The following DNASE2B variants were observed in gnomAD, a reference collection of about 807,000 sequenced individuals.
DNASE2B encodes deoxyribonuclease-2-beta.
DNASE2B carries 43 observed loss-of-function variants against 46.0 expected under a neutral mutation model. That is an observed-to-expected ratio of 0.94 (90% CI 0.73 to 1.21). The LOEUF is 1.21. DNASE2B is among the 50% of genes most tolerant of loss of function. The pLI is 0.00. For missense variants in DNASE2B, 395 were observed against 414.4 expected (o/e 0.95, Z 0.41); for synonymous variants, 156 against 152.5 (o/e 1.02, Z -0.17).
intron 2 of DNASE2B, among the ~76,000 whole-genome samples, chr1:84,404,410 T>G (rs944825998): frequency 1.3e-5 from 2 of 152,214 alleles, no homozygotes; most frequent in African/African-American, 4.8e-5. Context: ...AATGTATTGT[T>G]TTGGGCTTGA....
intron 2 of DNASE2B, among the ~76,000 whole-genome samples, chr1:84,406,187 A>G (rs1301270045): frequency 6.6e-6 from 1 of 152,168 alleles, no homozygotes; most frequent in Non-Finnish European, 1.5e-5. Context: ...GTATTATATA[A>G]AATGAAAACG....
At chr1:84,401,299 G>A (rs1027653788) in intron 1 of DNASE2B, among the ~76,000 whole-genome samples, 12 of 152,162 alleles carry the variant, frequency 7.9e-5, no homozygotes, top group Non-Finnish European at 1.3e-4. Context: ...ACTGAGAAAC[G>A]CTGAGCTAGG....
chr1:84,401,789 A>G, intron 1 of DNASE2B, 112 bp from the exon 2 acceptor site: 1 of 783,540 alleles, frequency 1.3e-6, no homozygotes, highest in East Asian at 3.3e-5. Context: ...CCCTTTCCTT[A>G]GAGGCCTTCC....
intron 2 of DNASE2B, among the ~76,000 whole-genome samples, chr1:84,405,586 C>T (rs760990560): frequency 2.6e-4 from 40 of 152,120 alleles, no homozygotes; most frequent in African/African-American, 5.3e-4. Flanking sequence ...ATAGGTCCTA[C>T]GGTTTTATTC....
intron 1 of DNASE2B, among the ~76,000 whole-genome samples, chr1:84,401,434 T>G (rs1045793973): frequency 6.6e-6 from 1 of 152,198 alleles, no homozygotes; most frequent in African/African-American, 2.4e-5. Flanking sequence ...ATTACTTGGT[T>G]TTAGCCCTGA....
At position 84,414,669 on chromosome 1, in the gene DNASE2B, A is replaced by G; in HGVS notation, c.887A>G (p.His296Arg). The change falls in exon 6 of 6, where the codon CAC becomes CGC. Residue 296 changes from histidine to arginine, a missense_variant. By Grantham distance (29) the His-to-Arg change is conservative. Transcript: ENST00000370665. ...YNIKAIKLSR[H>R]SYFSSYQDHA... ...ATAAAAGCAATTAAATTATCACGAC[A>G]CTCTTATTTCAGTTCTTATCAAGAT... 6.2e-7 allele frequency: 1 copy of G among 1,613,988 alleles called. No homozygotes were observed. Among genetic ancestry groups the G allele is most frequent in the South Asian group, 1.1e-5 (1 of 91,074 alleles).
At chr1:84,413,321 G>C (rs1249666343) in intron 5 of DNASE2B, among the ~76,000 whole-genome samples, 1 of 151,996 alleles carries the variant, frequency 6.6e-6, no homozygotes, top group African/African-American at 2.4e-5. Context: ...GTCACCAATG[G>C]CTGTCTTAGA....
intron 2 of DNASE2B, among the ~76,000 whole-genome samples, chr1:84,402,713 T>C (rs1680441454): frequency 6.6e-6 from 1 of 152,238 alleles, no homozygotes; most frequent in Non-Finnish European, 1.5e-5. Context: ...GCTCCCAATA[T>C]TCTAGGCATC....
chr1:84,411,428 GTGTGTGT>G (rs1680590764), intron 4 of DNASE2B, among the ~76,000 whole-genome samples: 10 of 4,768 alleles, frequency 2.1e-3, no homozygotes, highest in Non-Finnish European at 5.3e-3. Context: ...AACCTAGGGT[GTGTGTGT>G]GTGTGTGTGT....
At chr1:84,403,038 G>C (rs961109536) in intron 2 of DNASE2B, among the ~76,000 whole-genome samples, 2 of 152,212 alleles carry the variant, frequency 1.3e-5, no homozygotes, top group African/African-American at 4.8e-5. Context: ...CTGCCATTAA[G>C]ACTAGCCTTC....
At chr1:84,405,076 G>A (rs1460314292) in intron 2 of DNASE2B, among the ~76,000 whole-genome samples, 2 of 151,500 alleles carry the variant, frequency 1.3e-5, no homozygotes, top group Non-Finnish European at 2.9e-5. Context: ...TTCATCTGCT[G>A]CCTCTTGGTC....
rs747551768 is a variant in DNASE2B, at chr1:84,411,019, GA to G, written c.547+28del. ...CAATAGGTAAAACTAAAGTATGTGA[GA>G]AAAAAAACGATAACTATGTTGAAGA... is the stretch of plus-strand genomic sequence containing the variant. On this transcript the variant is annotated intron_variant, in intron 4 of 5. Transcript: ENST00000370665. The G allele has an allele frequency of 3.9e-6, 6 of 1,527,696 alleles. No individual in the cohort carries two copies. The highest frequency in any genetic ancestry group is 3.3e-5 in the African/African-American group (2 of 61,292). 94.6% of individuals were successfully genotyped at this position (1,527,696 alleles called of 1,614,324 possible).
intron 1 of DNASE2B, among the ~76,000 whole-genome samples, chr1:84,401,481 G>A (rs1680419243): frequency 6.6e-6 from 1 of 152,180 alleles, no homozygotes; most frequent in South Asian, 2.1e-4. Flanking sequence ...ACTGAGCTGA[G>A]GAATGCAGCT....
chr1:84,410,105 G>A (rs762471286), intron 3 of DNASE2B, among the ~76,000 whole-genome samples: 4 of 152,176 alleles, frequency 2.6e-5, no homozygotes, highest in Admixed American at 6.5e-5. Flanking sequence ...GGAAAGTCTA[G>A]CTATCATACC....
At chr1:84,410,782 A>C in intron 3 of DNASE2B, 56 bp from the exon 4 acceptor site, 1 of 1,552,168 alleles carries the variant, frequency 6.4e-7, no homozygotes, top group Non-Finnish European at 8.7e-7. Context: ...TGTGAACCCT[A>C]TTATAAAAGA....
chr1:84,402,489 C>T (rs1234792307), intron 2 of DNASE2B, among the ~76,000 whole-genome samples: 2 of 152,078 alleles, frequency 1.3e-5, no homozygotes, highest in East Asian at 1.9e-4. Context: ...TGGTGTTGAT[C>T]AGTGGTGGTG....
chr1:84,408,492 A>G lies in DNASE2B; in HGVS notation c.359A>G (p.Tyr120Cys), dbSNP rs757588982. The change falls in exon 3 of 6, where the codon TAC becomes TGC. Residue 120 changes from tyrosine (Y) to cysteine (C), a missense_variant. Physicochemically the swap from Tyr to Cys is radical, Grantham distance 194. Transcript: ENST00000370665. ...GATGGAGTCCCTAAACCTGTGAATT[A>G]CAGCAGAAAGTATGGACACACCAAA... ...YNDGVPKPVNYSRKYGHTKGL... is the reference protein window; with the variant it reads ...YNDGVPKPVNCSRKYGHTKGL... 1 of 1,611,310 alleles carries G rather than the reference A, an allele frequency of 6.2e-7. No individual in the cohort carries two copies. The highest frequency in any genetic ancestry group is 1.1e-5 in the South Asian group (1 of 90,640).
Position 84,401,986 on chromosome 1 carries a change from A to G in DNASE2B, c.211A>G (p.Arg71Gly), listed in dbSNP as rs1196330295. 1.2e-6 allele frequency: 2 copies of G among 1,608,806 alleles called. No individual in the cohort carries two copies. The highest frequency in any genetic ancestry group is 8.5e-7 in the Non-Finnish European group (1 of 1,178,182). ...LEYLYLDSTT[R>G]SWRKSEQLMN... ...GTACCTGTACCTAGACTCTACAACT[A>G]GAAGCTGGAGGAAGAGTGAGCAACT... is the stretch of plus-strand genomic sequence containing the variant. The change falls in exon 2 of 6, where the codon AGA (arginine) becomes GGA (glycine). Residue 71 changes from arginine (R) to glycine (G), a missense_variant. By Grantham distance (125) the Arg-to-Gly change is moderately radical. Coordinates refer to ENST00000370665, the MANE Select transcript of DNASE2B (RefSeq NM_021233.3).
intron 1 of DNASE2B, among the ~76,000 whole-genome samples, chr1:84,399,734 AC>A (rs1423960676): frequency 6.6e-6 from 1 of 152,180 alleles, no homozygotes; most frequent in African/African-American, 2.4e-5. Context: ...CAGGAAGATG[AC>A]CGGAGGTGAG....
Sources: gnomAD v4.1 joint callset for allele counts (sites outside exome capture counted in the v4.1 genomes callset) on GRCh38, gnomAD v4.1.1 for gene constraint, MANE v1.5 for transcripts, NCBI Gene and HGNC (gene_info 2026-07-23, HGNC 2026-07-21) for gene names.